NISCH: variants seen among roughly 807,000 people sequenced by gnomAD.
The protein encoded by NISCH is I-1 receptor candidate protein.
In NISCH, 55 loss-of-function variants were observed where a neutral mutation model predicts 138.4. The observed-to-expected ratio is 0.40, with a 90% CI of 0.32 to 0.50. The LOEUF is 0.50. Among genes scored for constraint, NISCH ranks in the 20% least tolerant of loss-of-function variants. The pLI is 0.71. For missense variants in NISCH, 1,643 were observed against 2,005.5 expected, an observed-to-expected ratio of 0.82 and a Z score of 3.45; for synonymous variants, 860 against 861.5, an observed-to-expected ratio of 1.00 and a Z score of 0.03.
In NISCH at chr3:52,479,637, C is replaced by T. The variant is rs556442706; in HGVS notation, c.1303-112C>T. The T allele has an allele frequency of 7.5e-6, 6 of 803,282 alleles. No individual in the cohort carries two copies. In the East Asian group the frequency reaches 1.1e-4, roughly 15 times the overall value. 49.8% of individuals were successfully genotyped at this position (803,282 alleles called of 1,614,324 possible). A position where few individuals can be genotyped will look rare whatever the true frequency, so the allele number is the denominator to read the frequency against. On this transcript the variant is annotated intron_variant, in intron 11 of 20. Transcript: ENST00000345716. ...CTCACGCCTCCTCCTCAGCAGAGCCCTACCATCCTCCTGCCATGCTCACCA... is the reference window on the plus strand; with the variant it reads ...CTCACGCCTCCTCCTCAGCAGAGCCTTACCATCCTCCTGCCATGCTCACCA...
At chr3:52,465,625 G>C (rs773948243) in intron 3 of NISCH, among the ~76,000 whole-genome samples, 21 of 152,302 alleles carry the variant, frequency 1.4e-4, no homozygotes, top group Admixed American at 2.6e-4. Context: ...AGAACCCCTG[G>C]AACAGAGGTT....
In NISCH at chr3:52,478,265, G is replaced by A; in HGVS notation, c.1156G>A (p.Asp386Asn). 1 of 1,614,088 alleles carries A rather than the reference G, an allele frequency of 6.2e-7. No homozygotes were observed. Among genetic ancestry groups the A allele is most frequent in the Non-Finnish European group, 8.5e-7 (1 of 1,179,972 alleles). The change falls in exon 10 of 21, where the codon GAC (aspartate) becomes AAC (asparagine). Residue 386 changes from aspartate to asparagine, a missense_variant. Asp to Asn is a conservative substitution (Grantham distance 23). Coordinates refer to ENST00000345716, the MANE Select transcript of NISCH (RefSeq NM_007184.4). The stretch of plus-strand genomic sequence containing the variant: ...CTCACTGGTCAACCTGGATCTCCGG[G>A]ACAACAGGATCGAACAGGTGAGCCC... Reference protein sequence around the residue: ...LYSLVNLDLRDNRIEQMEEVR... With the variant: ...LYSLVNLDLRNNRIEQMEEVR...
At chr3:52,459,929 C>T (rs1193422129) in intron 3 of NISCH, among the ~76,000 whole-genome samples, 1 of 150,018 alleles carries the variant, frequency 6.7e-6, no homozygotes, top group African/African-American at 2.4e-5. Context: ...GCCTGTAATC[C>T]CAGCACTTTG....
intron 12 of NISCH, 150 bp from the exon 13 acceptor site, chr3:52,480,034 G>T: frequency 1.0e-6 from 1 of 984,016 alleles, no homozygotes; most frequent in East Asian, 2.5e-5. Context: ...GTGGGGTGGG[G>T]ACAGTGGTAG....
chr3:52,466,514 G>A (rs201267795), intron 3 of NISCH, among the ~76,000 whole-genome samples: 3 of 150,216 alleles, frequency 2.0e-5, no homozygotes, highest in South Asian at 2.1e-4. Flanking sequence ...GTAGTGAGCC[G>A]AGATCGCGCC....
chr3:52,477,726 A>G (rs1389790309), intron 9 of NISCH, 84 bp downstream of exon 9: 12 of 1,204,378 alleles, frequency 1.0e-5, no homozygotes, highest in Non-Finnish European at 1.2e-5. Flanking sequence ...CAGCCTTGGG[A>G]ATTGGCCAGG....
At chr3:52,456,625 C>T (rs1479751800) in intron 1 of NISCH, among the ~76,000 whole-genome samples, 1 of 152,220 alleles carries the variant, frequency 6.6e-6, no homozygotes, top group African/African-American at 2.4e-5. Flanking sequence ...CCTGCCTGCA[C>T]CTCCCCTCCC....
intron 13 of NISCH, chr3:52,480,696 C>T (rs868142857): frequency 6.3e-6 from 9 of 1,420,812 alleles, no homozygotes; most frequent in Non-Finnish European, 8.2e-6. Flanking sequence ...GAGCCCGAAT[C>T]CCTGTGCAGG....
intron 18 of NISCH, 90 bp downstream of exon 18, chr3:52,490,321 T>G (rs1335778638): frequency 4.1e-6 from 6 of 1,460,050 alleles, no homozygotes; most frequent in Non-Finnish European, 5.6e-6. Context: ...GCTGTGTGGC[T>G]TCAGGCAGCA....
chr3:52,490,668 G>A (rs760462467), intron 18 of NISCH, 37 bp from the exon 19 acceptor site: 1 of 1,613,628 alleles, frequency 6.2e-7, no homozygotes, highest in South Asian at 1.1e-5. Context: ...GTGCTTGCCT[G>A]CCACCGCCTC....
rs147366130 is a variant in NISCH, at chr3:52,463,603, T to G, written c.360+4759T>G. 3.6e-3 allele frequency among the ~76,000 whole-genome samples: 552 copies of G among 152,294 alleles called. 4 individuals are homozygous for G. The highest frequency in any genetic ancestry group is 0.023 in the South Asian group (111 of 4,824). On this transcript the variant is annotated intron_variant, in intron 3 of 20. Transcript: ENST00000345716. ...GTTCTAATTTCCCCACATTCTTGCT[T>G]AACACTTCTTGTCCATTTTTTTTTA...
intron 13 of NISCH, chr3:52,481,020 C>T (rs1469843760): frequency 5.8e-6 from 8 of 1,385,958 alleles, no homozygotes; most frequent in Non-Finnish European, 7.5e-6. Context: ...GCCCGGGCTC[C>T]TGGAGACGCA....
chr3:52,467,133 T>C (rs1706804001), intron 3 of NISCH, among the ~76,000 whole-genome samples: 1 of 151,800 alleles, frequency 6.6e-6, no homozygotes, highest in Admixed American at 6.6e-5. Context: ...CCAGAGTAGC[T>C]GGTAGTACAG....
At chr3:52,456,607 G>T (rs113407734) in intron 1 of NISCH, among the ~76,000 whole-genome samples, 35 of 152,358 alleles carry the variant, frequency 2.3e-4, no homozygotes, top group African/African-American at 7.7e-4. Context: ...GTGGGTGGGG[G>T]CCTTGGGCCT....
intron 15 of NISCH, 77 bp downstream of exon 15, chr3:52,485,904 GC>G: frequency 7.0e-7 from 1 of 1,436,596 alleles, no homozygotes; most frequent in Non-Finnish European, 9.6e-7. Flanking sequence ...GCCAGGGGTG[GC>G]CAGTCAGGTT....
At chr3:52,477,786 A>C in intron 9 of NISCH, 144 bp downstream of exon 9, 1 of 699,268 alleles carries the variant, frequency 1.4e-6, no homozygotes, top group Non-Finnish European at 2.5e-6. Context: ...CCAGCAATGC[A>C]CTGAGTGATT....
chr3:52,483,142 G>A (rs558513565), intron 13 of NISCH, among the ~76,000 whole-genome samples: 1 of 152,328 alleles, frequency 6.6e-6, no homozygotes, highest in South Asian at 2.1e-4. Context: ...ATGCATGGCT[G>A]TGTGCTTGCC....
chr3:52,479,585 C>T (rs1280467507), intron 11 of NISCH, among the ~76,000 whole-genome samples, 164 bp from the exon 12 acceptor site: 2 of 152,162 alleles, frequency 1.3e-5, no homozygotes, highest in Non-Finnish European at 2.9e-5. Context: ...CTATGGTGTC[C>T]TCACGTGGCC....
chr3:52,478,327 G>A, intron 10 of NISCH, 45 bp downstream of exon 10: 1 of 1,608,134 alleles, frequency 6.2e-7, no homozygotes, highest in African/African-American at 1.3e-5. Context: ...GTGCCTTGGT[G>A]TGTATCATGT....
Sources: allele counts gnomAD v4.1 joint callset (sites outside exome capture counted in the v4.1 genomes callset), GRCh38; gene constraint gnomAD v4.1.1; transcripts MANE v1.5; gene names NCBI Gene and HGNC (gene_info 2026-07-23, HGNC 2026-07-21).